Variants in LRRC4C observed in about 807,000 individuals in gnomAD.
LRRC4C encodes the protein leucine-rich repeat-containing protein 4C.
LRRC4C carries 5 observed loss-of-function variants against 33.6 expected under a neutral mutation model. The ratio of observed to expected loss-of-function variants is 0.15; its 90% CI spans 0.08 to 0.31. LRRC4C has a LOEUF of 0.31. Ranked by LOEUF, LRRC4C falls within the 10% of genes least tolerant of loss-of-function variation. The pLI is 1.00. For missense variants in LRRC4C, 560 were observed against 796.7 expected (o/e 0.70, Z 3.58); for synonymous variants, 329 against 302.0 (o/e 1.09, Z -0.93).
intron 3 of LRRC4C, among the ~76,000 whole-genome samples, chr11:40,532,866 A>G (rs1956325225): frequency 6.6e-6 from 1 of 152,112 alleles, no homozygotes; most frequent in Admixed American, 6.6e-5. Context: ...ATGGCTGGAG[A>G]GGCCTCAAGA....
At chr11:40,857,357 C>T (rs146159064) in intron 2 of LRRC4C, among the ~76,000 whole-genome samples, 215 of 152,220 alleles carry the variant, frequency 1.4e-3, no homozygotes, top group African/African-American at 4.8e-3. Context: ...CCCCACTGAC[C>T]CTGCCAACAG....
intron 3 of LRRC4C, among the ~76,000 whole-genome samples, chr11:40,538,057 A>G (rs560415777): frequency 1.3e-5 from 2 of 152,244 alleles, no homozygotes; most frequent in African/African-American, 4.8e-5. Flanking sequence ...TTGTCTCTCA[A>G]ACTAGGTTAT....
intron 3 of LRRC4C, among the ~76,000 whole-genome samples, chr11:40,628,477 C>CA (rs1476040217): frequency 1.6e-5 from 2 of 124,976 alleles, no homozygotes; most frequent in African/African-American, 5.1e-5. Flanking sequence ...GACTCCATCT[C>CA]AAAAAAACAA....
At chr11:41,172,192 A>G (rs1407944721) in intron 1 of LRRC4C, among the ~76,000 whole-genome samples, 1 of 152,176 alleles carries the variant, frequency 6.6e-6, no homozygotes, top group African/African-American at 2.4e-5. Flanking sequence ...CAATGTGCCA[A>G]GCTACAAGAA....
chr11:40,167,595 T>C (rs866670270), intron 5 of LRRC4C, among the ~76,000 whole-genome samples: 1 of 152,146 alleles, frequency 6.6e-6, no homozygotes, highest in Non-Finnish European at 1.5e-5. Flanking sequence ...TGCTATTCTA[T>C]GACAGAAAGT....
At chr11:40,447,321 C>T (rs1002370290) in intron 3 of LRRC4C, among the ~76,000 whole-genome samples, 3 of 152,158 alleles carry the variant, frequency 2.0e-5, no homozygotes, top group African/African-American at 7.2e-5. Context: ...ACTCTAGAAG[C>T]ATCACTTCAC....
At chr11:40,162,208 C>G (rs185474326) in intron 5 of LRRC4C, among the ~76,000 whole-genome samples, 297 of 152,114 alleles carry the variant, frequency 2.0e-3, no homozygotes, top group African/African-American at 6.6e-3. Flanking sequence ...GACATCATTT[C>G]CGGTGCCAGC....
chr11:41,109,398 G>A (rs1941699607), intron 1 of LRRC4C, among the ~76,000 whole-genome samples: 1 of 152,014 alleles, frequency 6.6e-6, no homozygotes, highest in Non-Finnish European at 1.5e-5. Flanking sequence ...TTGTCATGAT[G>A]GAGATGGTTT....
At chr11:40,901,297 CA>C (rs925729021) in intron 2 of LRRC4C, among the ~76,000 whole-genome samples, 1 of 151,926 alleles carries the variant, frequency 6.6e-6, no homozygotes, top group Non-Finnish European at 1.5e-5. Context: ...AGTACATATA[CA>C]AATTTAATGG....
intron 1 of LRRC4C, among the ~76,000 whole-genome samples, chr11:41,057,477 C>T (rs538877784): frequency 6.6e-6 from 1 of 152,312 alleles, no homozygotes; most frequent in East Asian, 1.9e-4. Context: ...CCCCCTAAGG[C>T]CCCATCTTCA....
intron 3 of LRRC4C, among the ~76,000 whole-genome samples, chr11:40,566,309 G>A (rs1244905228): frequency 6.6e-6 from 1 of 151,646 alleles, no homozygotes; most frequent in African/African-American, 2.4e-5. Context: ...CAGCAAAATT[G>A]CAAAGACTTT....
chr11:41,241,742 C>T (rs1013073475), intron 1 of LRRC4C, among the ~76,000 whole-genome samples: 2 of 152,098 alleles, frequency 1.3e-5, no homozygotes, highest in Admixed American at 1.3e-4. Context: ...ACAACTTTGT[C>T]CCTCTTTCGT....
chr11:40,161,140 G>T (rs894766151), intron 5 of LRRC4C, among the ~76,000 whole-genome samples: 1 of 152,180 alleles, frequency 6.6e-6, no homozygotes, highest in African/African-American at 2.4e-5. Flanking sequence ...AGAAAAAAAT[G>T]AAATCTCTTT....
intron 2 of LRRC4C, among the ~76,000 whole-genome samples, chr11:40,898,368 A>AG (rs1176489740): frequency 6.7e-6 from 1 of 149,664 alleles, no homozygotes; most frequent in African/African-American, 2.4e-5. Context: ...AAAAAAAAAA[A>AG]AAAAGAAAAA....
chr11:40,581,945 T>C (rs952183897), intron 3 of LRRC4C, among the ~76,000 whole-genome samples: 2 of 151,872 alleles, frequency 1.3e-5, no homozygotes, highest in African/African-American at 4.8e-5. Flanking sequence ...AATAAAACTA[T>C]ATGTGTGAAA....
chr11:40,831,883 A>T (rs1329237240), intron 2 of LRRC4C, among the ~76,000 whole-genome samples: 1 of 152,094 alleles, frequency 6.6e-6, no homozygotes, highest in African/African-American at 2.4e-5. Context: ...ACACATGGGG[A>T]TTATAAGGTC....
At chr11:41,133,700 T>C (rs1943126757) in intron 1 of LRRC4C, among the ~76,000 whole-genome samples, 1 of 152,026 alleles carries the variant, frequency 6.6e-6, no homozygotes, top group African/African-American at 2.4e-5. Flanking sequence ...AAGTACCAAA[T>C]TGGAAACAAG....
chr11:40,518,183 T>TC (rs1284712482), intron 3 of LRRC4C, among the ~76,000 whole-genome samples: 29 of 152,136 alleles, frequency 1.9e-4, no homozygotes, highest in African/African-American at 6.8e-4. Context: ...GCAATGCCAT[T>TC]CAGGACATAG....
At chr11:40,653,061 C>T (rs1942899343) in intron 2 of LRRC4C, among the ~76,000 whole-genome samples, 1 of 152,180 alleles carries the variant, frequency 6.6e-6, no homozygotes, top group Non-Finnish European at 1.5e-5. Flanking sequence ...GCTTTCCCAT[C>T]TAAGAAGAAC....
Sources: gnomAD v4.1 joint callset for allele counts (sites outside exome capture counted in the v4.1 genomes callset) on GRCh38, gnomAD v4.1.1 for gene constraint, MANE v1.5 for transcripts, NCBI Gene and HGNC (gene_info 2026-07-23, HGNC 2026-07-21) for gene names.